The following DLGAP2 variants were observed in gnomAD, a reference collection of about 807,000 sequenced individuals.
DLGAP2 encodes the protein DLG associated protein 2, also known as disks large-associated protein 2.
Under a neutral mutation model 100.3 loss-of-function variants are expected in DLGAP2, and 26 were observed. The observed-to-expected ratio is 0.26, with a 90% CI of 0.19 to 0.36. The LOEUF (loss-of-function observed/expected upper bound fraction) is 0.36. DLGAP2 is among the 10% of genes least tolerant of loss of function. The pLI, the probability that DLGAP2 is intolerant of heterozygous loss-of-function variation, is 1.00. For missense variants in DLGAP2, 1,858 were observed against 1,453.2 expected (o/e 1.28, Z -4.53); for synonymous variants, 886 against 630.1 (o/e 1.41, Z -6.08).
intron 1 of DLGAP2, among the ~76,000 whole-genome samples, chr8:844,674 C>T (rs1180900428): frequency 6.6e-6 from 1 of 152,240 alleles, no homozygotes; most frequent in East Asian, 1.9e-4. Context: ...TGTATTTCAA[C>T]CTCATATACA....
chr8:1,011,657 G>T (rs1303785770), intron 2 of DLGAP2, among the ~76,000 whole-genome samples: 2 of 133,782 alleles, frequency 1.5e-5, no homozygotes, highest in Non-Finnish European at 3.3e-5. Flanking sequence ...TGCACAGTGA[G>T]CCCTGGAATG....
chr8:780,050 G>C (rs866080935), intron 1 of DLGAP2, among the ~76,000 whole-genome samples: 1 of 152,074 alleles, frequency 6.6e-6, no homozygotes. Context: ...TGAAATGTTT[G>C]AATTATTATT....
intron 2 of DLGAP2, among the ~76,000 whole-genome samples, chr8:1,163,866 C>A (rs528948160): frequency 2.0e-5 from 3 of 152,242 alleles, no homozygotes; most frequent in South Asian, 4.1e-4. Context: ...CTGCGGCTGC[C>A]GACACGTCCT....
At chr8:1,245,195 G>C (rs890197882) in intron 2 of DLGAP2, among the ~76,000 whole-genome samples, 51 of 152,174 alleles carry the variant, frequency 3.4e-4, no homozygotes, top group African/African-American at 1.1e-3. Context: ...TTCCTCAGAA[G>C]TTTAAACATA....
intron 3 of DLGAP2, chr8:1,368,812 T>C (rs1465405678): frequency 6.6e-6 from 1 of 152,198 alleles, no homozygotes; most frequent in Non-Finnish European, 1.5e-5. Flanking sequence ...CTCTGCAGCA[T>C]GTAGGTAAAC....
At chr8:1,338,795 C>G (rs892572110) in intron 3 of DLGAP2, among the ~76,000 whole-genome samples, 4 of 151,922 alleles carry the variant, frequency 2.6e-5, no homozygotes, top group Non-Finnish European at 4.4e-5. Context: ...ACCATGGTGT[C>G]AGGACCTGGG....
rs778116892 is a variant in DLGAP2 at position 1,565,685 on chromosome 8, A to T, written c.1233A>T (p.Val411=). 1.9e-6 allele frequency: 3 copies of T among 1,610,912 alleles called. No homozygotes were observed. The highest frequency in any genetic ancestry group is 8.5e-7 in the Non-Finnish European group (1 of 1,178,064). Residue 411 remains valine, a splice_region_variant and synonymous_variant, in exon 6 of 15, where the codon GTA becomes GTT. Coordinates refer to ENST00000637795, the MANE Select transcript of DLGAP2 (RefSeq NM_001346810.2). ...PALRPCHYLQ[V]PQDEWGGYPT... ...GTTTCATGTCTGTCTGCTCCCAGGTACCTCAGGATGAGTGGGGAGGGTACC... is the reference window on the plus strand; with the variant it reads ...GTTTCATGTCTGTCTGCTCCCAGGTTCCTCAGGATGAGTGGGGAGGGTACC...
intron 2 of DLGAP2, among the ~76,000 whole-genome samples, chr8:1,110,070 A>ATG (rs1804898918): frequency 1.1e-5 from 1 of 90,842 alleles, no homozygotes; most frequent in South Asian, 4.1e-4. Context: ...ATGTGTGCAC[A>ATG]GGTCTGTGAG....
At chr8:1,500,703 A>C (rs1049402969) in intron 3 of DLGAP2, among the ~76,000 whole-genome samples, 1 of 152,188 alleles carries the variant, frequency 6.6e-6, no homozygotes, top group African/African-American at 2.4e-5. Context: ...TGACCCCAAG[A>C]CCTTTTACAG....
chr8:984,681 A>G (rs1484417022), intron 2 of DLGAP2, among the ~76,000 whole-genome samples: 1 of 152,236 alleles, frequency 6.6e-6, no homozygotes. Context: ...TCACTTAAAG[A>G]CAGGACGTGA....
intron 8 of DLGAP2, among the ~76,000 whole-genome samples, chr8:1,651,640 C>A (rs1396908725): frequency 6.6e-6 from 1 of 152,188 alleles, no homozygotes; most frequent in African/African-American, 2.4e-5. Flanking sequence ...GCTCCAATGG[C>A]TTAAGCCCCT....
chr8:1,370,915 C>A (rs1300879957), intron 3 of DLGAP2, among the ~76,000 whole-genome samples: 1 of 152,230 alleles, frequency 6.6e-6, no homozygotes, highest in Non-Finnish European at 1.5e-5. Flanking sequence ...TAGAACAGGG[C>A]TTTACACCAT....
intron 3 of DLGAP2, among the ~76,000 whole-genome samples, chr8:1,336,082 A>T (rs1801266825): frequency 6.6e-6 from 1 of 152,240 alleles, no homozygotes; most frequent in South Asian, 2.1e-4. Context: ...GGTCCTCCAC[A>T]TGTGCAGTCT....
intron 3 of DLGAP2, among the ~76,000 whole-genome samples, chr8:1,360,337 C>T (rs957355430): frequency 2.0e-5 from 3 of 151,566 alleles, no homozygotes; most frequent in East Asian, 1.9e-4. Context: ...CAGGACGGTG[C>T]TTTCAACAAA....
chr8:1,503,505 G>C (rs1036251849), intron 4 of DLGAP2, among the ~76,000 whole-genome samples: 2 of 152,102 alleles, frequency 1.3e-5, no homozygotes, highest in Non-Finnish European at 2.9e-5. Context: ...GACCACACTG[G>C]TTTCCATTCC....
At chr8:1,445,310 A>G (rs968818589) in intron 3 of DLGAP2, among the ~76,000 whole-genome samples, 3 of 137,388 alleles carry the variant, frequency 2.2e-5, no homozygotes, top group African/African-American at 8.3e-5. Context: ...AATTTGTTCA[A>G]TTCCCACCTA....
intron 6 of DLGAP2, among the ~76,000 whole-genome samples, chr8:1,602,387 G>A (rs976039179): frequency 6.6e-6 from 1 of 152,202 alleles, no homozygotes; most frequent in African/African-American, 2.4e-5. Context: ...TTTACAGCCT[G>A]GCTGCTTCAA....
intron 2 of DLGAP2, among the ~76,000 whole-genome samples, chr8:1,198,607 T>C (rs989441514): frequency 1.3e-5 from 2 of 152,030 alleles, no homozygotes; most frequent in African/African-American, 4.8e-5. Context: ...GAGTGTGTGC[T>C]CTGCAGACTG....
At chr8:1,321,043 C>A (rs1216907204) in intron 3 of DLGAP2, among the ~76,000 whole-genome samples, 1 of 149,028 alleles carries the variant, frequency 6.7e-6, no homozygotes, top group African/African-American at 2.5e-5. Context: ...GCCCAGGCAT[C>A]CATGTGTCTC....
Sources: allele counts gnomAD v4.1 joint callset (sites outside exome capture counted in the v4.1 genomes callset), GRCh38; gene constraint gnomAD v4.1.1; transcripts MANE v1.5; gene names NCBI Gene and HGNC (gene_info 2026-07-23, HGNC 2026-07-21).